The following ANKFN1 variants were observed in gnomAD, a reference collection of about 807,000 sequenced individuals.
ANKFN1 encodes the protein ankyrin repeat and fibronectin type-III domain-containing protein 1.
In ANKFN1, 74 loss-of-function variants were observed where a neutral mutation model predicts 108.7. The observed-to-expected ratio is 0.68, with a 90% confidence interval of 0.56 to 0.83. ANKFN1 has a LOEUF of 0.83. Among genes scored for constraint, ANKFN1 ranks in the 40% least tolerant of loss-of-function variants. ANKFN1 has a pLI of 0.00. For missense variants in ANKFN1, 1,505 were observed against 1,382.3 expected (o/e 1.09, Z -1.41); for synonymous variants, 547 against 516.2 (o/e 1.06, Z -0.81).
At chr17:56,217,453 TTA>T (rs1915504646) in intron 2 of ANKFN1, among the ~76,000 whole-genome samples, 1 of 152,202 alleles carries the variant, frequency 6.6e-6, no homozygotes, top group African/African-American at 2.4e-5. Flanking sequence ...GCAGTGGTTC[TTA>T]ATTGAGGAGG....
chr17:56,049,437 T>G (rs547833177), intron 4 of ANKFN1, among the ~76,000 whole-genome samples: 1 of 151,990 alleles, frequency 6.6e-6, no homozygotes, highest in Non-Finnish European at 1.5e-5. Flanking sequence ...CATGTGCACA[T>G]TGTGCAGGTT....
chr17:56,274,066 T>C (rs886336641), intron 3 of ANKFN1, among the ~76,000 whole-genome samples: 3 of 152,170 alleles, frequency 2.0e-5, no homozygotes, highest in Admixed American at 2.0e-4. Context: ...ACCATAGTAA[T>C]AGGACATTCT....
intron 7 of ANKFN1, among the ~76,000 whole-genome samples, chr17:56,373,479 T>C (rs2046864948): frequency 6.6e-6 from 1 of 152,188 alleles, no homozygotes; most frequent in Admixed American, 6.5e-5. Flanking sequence ...CAAACACTTG[T>C]GAAATATTAA....
chr17:56,370,077 T>C (rs973043827), intron 6 of ANKFN1, among the ~76,000 whole-genome samples: 6 of 152,154 alleles, frequency 3.9e-5, no homozygotes, highest in Non-Finnish European at 1.5e-5. Context: ...TTTTTAGAGG[T>C]GATCATTGCA....
chr17:56,424,544 T>TA (rs2048499130), intron 8 of ANKFN1, among the ~76,000 whole-genome samples: 1 of 152,242 alleles, frequency 6.6e-6, no homozygotes, highest in South Asian at 2.1e-4. Context: ...TGCAAGGTGT[T>TA]ACTCTTGTAA....
chr17:56,359,690 C>T (rs1262204055), intron 6 of ANKFN1, among the ~76,000 whole-genome samples: 1 of 152,176 alleles, frequency 6.6e-6, no homozygotes, highest in Non-Finnish European at 1.5e-5. Flanking sequence ...GGATGCACCA[C>T]TCATTTCTGC....
intron 4 of ANKFN1, among the ~76,000 whole-genome samples, chr17:56,118,384 T>C (rs556888624): frequency 6.6e-6 from 1 of 152,290 alleles, no homozygotes; most frequent in South Asian, 2.1e-4. Context: ...TTCCACATAG[T>C]CTTTTAACTT....
chr17:56,320,292 T>C (rs2045325505), intron 3 of ANKFN1, among the ~76,000 whole-genome samples: 1 of 152,218 alleles, frequency 6.6e-6, no homozygotes, highest in South Asian at 2.1e-4. Context: ...CCTTTGGCAA[T>C]GCTACTTGTC....
At chr17:56,377,377 A>G (rs573674100) in intron 8 of ANKFN1, among the ~76,000 whole-genome samples, 5 of 152,332 alleles carry the variant, frequency 3.3e-5, no homozygotes, top group Non-Finnish European at 7.3e-5. Context: ...AACTGCCATC[A>G]CAACTCGGAG....
intron 15 of ANKFN1, among the ~76,000 whole-genome samples, chr17:56,467,783 GAAA>G (rs2050144777): frequency 4.4e-5 from 1 of 22,866 alleles, no homozygotes; most frequent in African/African-American, 8.2e-5. Context: ...AAGAAAGAAA[GAAA>G]GAAAGAAGAA....
At chr17:56,273,091 A>G (rs113753299) in intron 3 of ANKFN1, among the ~76,000 whole-genome samples, 1 of 152,218 alleles carries the variant, frequency 6.6e-6, no homozygotes, top group African/African-American at 2.4e-5. Context: ...CATGTTGCAC[A>G]TGGCTGACAC....
chr17:56,329,495 T>A (rs2045605957), intron 4 of ANKFN1, among the ~76,000 whole-genome samples: 1 of 152,154 alleles, frequency 6.6e-6, no homozygotes, highest in Non-Finnish European at 1.5e-5. Flanking sequence ...ACACAGAAAG[T>A]TCATCACTCA....
chr17:56,088,311 G>A (rs1905352457), intron 4 of ANKFN1, among the ~76,000 whole-genome samples: 2 of 151,296 alleles, frequency 1.3e-5, no homozygotes, highest in African/African-American at 2.4e-5. Flanking sequence ...AATGAGGAGG[G>A]AGAGGTGGAA....
intron 18 of ANKFN1, among the ~76,000 whole-genome samples, chr17:56,487,576 A>G (rs1262228167): frequency 6.6e-6 from 1 of 152,204 alleles, no homozygotes; most frequent in Non-Finnish European, 1.5e-5. Context: ...GGCCTGGTAT[A>G]TATTTCATTT....
intron 4 of ANKFN1, among the ~76,000 whole-genome samples, chr17:56,144,497 A>C (rs559545517): frequency 6.6e-6 from 1 of 152,350 alleles, no homozygotes; most frequent in African/African-American, 2.4e-5. Flanking sequence ...ATAGACAAGT[A>C]GCTTGGGTAC....
intron 1 of ANKFN1, among the ~76,000 whole-genome samples, chr17:56,196,555 G>A (rs867095362): frequency 1.3e-4 from 19 of 151,944 alleles, no homozygotes; most frequent in African/African-American, 3.6e-4. Flanking sequence ...GAAACATAAT[G>A]AGACCCCTGT....
At chr17:56,375,701 T>C (rs1012389756) in intron 8 of ANKFN1, among the ~76,000 whole-genome samples, 2 of 152,132 alleles carry the variant, frequency 1.3e-5, no homozygotes, top group Non-Finnish European at 2.9e-5. Flanking sequence ...AATGGCAGCA[T>C]TGGGAAAAGA....
chr17:56,289,670 C>T (rs1231483074), intron 3 of ANKFN1, among the ~76,000 whole-genome samples: 2 of 152,224 alleles, frequency 1.3e-5, no homozygotes, highest in Admixed American at 1.3e-4. Context: ...AGCTTACCCT[C>T]CTCCCTTCGG....
In ANKFN1 at chr17:56,229,607, G is replaced by A. The variant is rs76098785; in HGVS notation, c.53+1650G>A. On this transcript the variant is annotated intron_variant, in intron 3 of 20. Transcript: ENST00000682825. ...TAAATTTAAACACCCACGTGTTACC[G>A]CAGGATCTCTTTATCAAAATTTCAG... Among the ~76,000 whole-genome samples, 973 of 131,938 alleles carry A rather than the reference G, an allele frequency of 7.4e-3. 11 individuals are homozygous for A. The highest frequency in any genetic ancestry group is 0.027 in the African/African-American group (914 of 34,366). 86.6% of individuals were successfully genotyped at this position (131,938 alleles called of 152,430 possible).
Sources: allele counts gnomAD v4.1 joint callset (sites outside exome capture counted in the v4.1 genomes callset), GRCh38; gene constraint gnomAD v4.1.1; transcripts MANE v1.5; gene names NCBI Gene and HGNC (gene_info 2026-07-23, HGNC 2026-07-21).